The following PPP3CA variants were observed in gnomAD, a reference collection of about 807,000 sequenced individuals.
PPP3CA encodes CAM-PRP catalytic subunit.
Under a neutral mutation model 66.5 loss-of-function variants are expected in PPP3CA, and 14 were observed. The observed-to-expected ratio is 0.21, with a 90% CI of 0.14 to 0.33. PPP3CA has a LOEUF of 0.33. Among genes scored for constraint, PPP3CA ranks in the 10% least tolerant of loss-of-function variants. PPP3CA has a pLI of 1.00. For missense variants in PPP3CA, 317 were observed against 639.5 expected, an observed-to-expected ratio of 0.50 and a Z score of 5.44; for synonymous variants, 232 against 226.2, an observed-to-expected ratio of 1.03 and a Z score of -0.23.
chr4:101,207,264 T>C (rs1483850716), intron 1 of PPP3CA, among the ~76,000 whole-genome samples: 1 of 152,150 alleles, frequency 6.6e-6, no homozygotes, highest in Non-Finnish European at 1.5e-5. Context: ...TAAAGGAACA[T>C]TTTCCTAGTT....
chr4:101,051,078 A>G (rs1217424611), intron 10 of PPP3CA, among the ~76,000 whole-genome samples: 2 of 152,176 alleles, frequency 1.3e-5, no homozygotes, highest in East Asian at 3.8e-4. Flanking sequence ...AGAACAAAAT[A>G]GACCACTCCA....
At chr4:101,138,870 A>G (rs1560622324) in intron 2 of PPP3CA, among the ~76,000 whole-genome samples, 1 of 152,126 alleles carries the variant, frequency 6.6e-6, no homozygotes, top group African/African-American at 2.4e-5. Context: ...GTAACTTTTC[A>G]TTGTTAATAA....
chr4:101,225,214 T>C (rs1725743412), intron 1 of PPP3CA, among the ~76,000 whole-genome samples: 1 of 151,854 alleles, frequency 6.6e-6, no homozygotes, highest in Non-Finnish European at 1.5e-5. Context: ...ATTTGATTTA[T>C]AATTTATCTT....
At chr4:101,086,451 A>G (rs1729678698) in intron 6 of PPP3CA, among the ~76,000 whole-genome samples, 1 of 152,154 alleles carries the variant, frequency 6.6e-6, no homozygotes, top group Non-Finnish European at 1.5e-5. Flanking sequence ...ATTTGTTTCT[A>G]TATCATATTG....
At chr4:101,066,326 T>C (rs1728678577) in intron 8 of PPP3CA, among the ~76,000 whole-genome samples, 1 of 152,138 alleles carries the variant, frequency 6.6e-6, no homozygotes, top group Non-Finnish European at 1.5e-5. Flanking sequence ...TCACTAATTA[T>C]TCACCAGACT....
Position 101,264,782 on chromosome 4 carries a change from C to A in PPP3CA, c.59-68666G>T, listed in dbSNP as rs535264938. Among the ~76,000 whole-genome samples the A allele has an allele frequency of 2.6e-5, 4 of 152,102 alleles. No homozygotes were observed. In the South Asian group the frequency reaches 8.3e-4, roughly 32 times the overall value. On this transcript the variant is annotated intron_variant, in intron 1 of 13. Coordinates refer to ENST00000394854, the MANE Select transcript of PPP3CA (RefSeq NM_000944.5). ...CAACAAACTCAAATGCCTATAGGAG[C>A]CAGGGGAGGCAAAGTAAACATAGCA...
At chr4:101,047,450 T>C (rs1354951061) in intron 10 of PPP3CA, among the ~76,000 whole-genome samples, 2 of 152,190 alleles carry the variant, frequency 1.3e-5, no homozygotes, top group Non-Finnish European at 2.9e-5. Flanking sequence ...CTGTTACCAA[T>C]GGCATATAAA....
At chr4:101,070,720 A>T (rs1258060402) in intron 8 of PPP3CA, among the ~76,000 whole-genome samples, 2 of 152,230 alleles carry the variant, frequency 1.3e-5, no homozygotes, top group Non-Finnish European at 2.9e-5. Context: ...CAAGGCAGGC[A>T]TGGCTATCTA....
At chr4:101,133,627 A>C (rs138389200) in intron 2 of PPP3CA, among the ~76,000 whole-genome samples, 3,177 of 152,272 alleles carry the variant, frequency 0.021, 100 homozygotes, top group African/African-American at 0.072. Flanking sequence ...TTCCATGCTC[A>C]TGGATAGGAA....
chr4:101,329,756 G>GT (rs1729321177), intron 1 of PPP3CA, among the ~76,000 whole-genome samples: 1 of 151,980 alleles, frequency 6.6e-6, no homozygotes, highest in East Asian at 1.9e-4. Flanking sequence ...CCTGTGCTCC[G>GT]TAAGTGGAAC....
At chr4:101,300,235 A>G (rs984474298) in intron 1 of PPP3CA, among the ~76,000 whole-genome samples, 1 of 152,216 alleles carries the variant, frequency 6.6e-6, no homozygotes, top group Non-Finnish European at 1.5e-5. Flanking sequence ...CTCATTAAAC[A>G]TTTCAATCTC....
intron 1 of PPP3CA, among the ~76,000 whole-genome samples, chr4:101,292,114 AC>A (rs1728047981): frequency 6.6e-6 from 1 of 151,380 alleles, no homozygotes; most frequent in Admixed American, 6.6e-5. Flanking sequence ...ACACACACAC[AC>A]ACACACACAC....
At chr4:101,123,707 T>C (rs1231747461) in intron 2 of PPP3CA, among the ~76,000 whole-genome samples, 4 of 152,054 alleles carry the variant, frequency 2.6e-5, no homozygotes, top group African/African-American at 9.7e-5. Flanking sequence ...TAACAAGGGA[T>C]AGATAATCAG....
At chr4:101,281,060 G>GGA (rs1288725105) in intron 1 of PPP3CA, among the ~76,000 whole-genome samples, 1 of 152,262 alleles carries the variant, frequency 6.6e-6, no homozygotes, top group Middle Eastern at 3.4e-3. Flanking sequence ...ATGTGTTCCG[G>GGA]GAGAGACAGT....
intron 11 of PPP3CA, among the ~76,000 whole-genome samples, chr4:101,034,943 C>A (rs994939105): frequency 2.0e-5 from 3 of 151,944 alleles, no homozygotes; most frequent in Non-Finnish European, 4.4e-5. Flanking sequence ...TTCCTACATA[C>A]AAAATCTTGG....
At chr4:101,255,901 A>C (rs1726824983) in intron 1 of PPP3CA, among the ~76,000 whole-genome samples, 1 of 151,922 alleles carries the variant, frequency 6.6e-6, no homozygotes, top group Non-Finnish European at 1.5e-5. Flanking sequence ...TAAGCATCAA[A>C]TCTACTTTAC....
chr4:101,299,851 T>C (rs950529753), intron 1 of PPP3CA, among the ~76,000 whole-genome samples: 4 of 152,210 alleles, frequency 2.6e-5, no homozygotes, highest in African/African-American at 4.8e-5. Flanking sequence ...GTCTGCCCTA[T>C]ATCATCAAGG....
intron 2 of PPP3CA, among the ~76,000 whole-genome samples, chr4:101,119,369 T>C (rs1410951955): frequency 6.6e-6 from 1 of 152,202 alleles, no homozygotes; most frequent in Admixed American, 6.6e-5. Flanking sequence ...GTTAGTCTCA[T>C]TTTCTTTTGT....
intron 1 of PPP3CA, among the ~76,000 whole-genome samples, chr4:101,299,116 T>TG (rs1204358328): frequency 2.2e-4 from 31 of 143,970 alleles, no homozygotes; most frequent in Non-Finnish European, 3.7e-4. Context: ...GTTTTTTTTT[T>TG]TTTTTTTTTT....
Sources: allele counts gnomAD v4.1 joint callset (sites outside exome capture counted in the v4.1 genomes callset), GRCh38; gene constraint gnomAD v4.1.1; transcripts MANE v1.5; gene names NCBI Gene and HGNC (gene_info 2026-07-23, HGNC 2026-07-21).